The following KIF5B variants were observed in gnomAD, a reference collection of about 807,000 sequenced individuals.
KIF5B encodes the protein kinesin family member 5B, also known as kinesin-1 heavy chain.
In KIF5B, 49 loss-of-function variants were observed where a neutral mutation model predicts 132.8. That is an observed-to-expected ratio of 0.37 (90% CI 0.29 to 0.47). The LOEUF (loss-of-function observed/expected upper bound fraction) is 0.47. Ranked by LOEUF, KIF5B falls within the 20% of genes least tolerant of loss-of-function variation. The pLI, the probability that KIF5B is intolerant of heterozygous loss-of-function variation, is 1.00. For synonymous variants in KIF5B, 355 were observed against 369.4 expected, an observed-to-expected ratio of 0.96 and a Z score of 0.45; for missense variants, 780 against 1,144.0, an observed-to-expected ratio of 0.68 and a Z score of 4.59.
chr10:32,048,625 C>A, intron 1 of KIF5B, 74 bp from the exon 2 acceptor site: 1 of 1,021,518 alleles, frequency 9.8e-7, no homozygotes, highest in Admixed American at 2.0e-5. Context: ...CAGATGCCAT[C>A]ATATAATATA....
rs556018088 is a variant in KIF5B at position 32,022,863 on chromosome 10, C to T, written c.1899G>A (p.Gln633=). ...EENEKELAAC[Q]LRISQHEAKI... is the part of the protein sequence containing the mutation. ...TATAACATACTTGAGAGATACGAAG[C>T]TGACATGCTGCTAACTCCTTTTCAT... The change falls in exon 16 of 26, where the codon CAG becomes CAA. Residue 633 remains glutamine, a synonymous_variant. Coordinates refer to ENST00000302418, the MANE Select transcript of KIF5B (RefSeq NM_004521.3). 2.1e-4 allele frequency: 343 copies of T among 1,609,286 alleles called. 4 individuals are homozygous for T. In the South Asian group the frequency reaches 3.6e-3, roughly 17 times the overall value.
intron 1 of KIF5B, 106 bp downstream of exon 1, chr10:32,055,742 G>C: frequency 7.0e-7 from 1 of 1,429,836 alleles, no homozygotes; most frequent in Non-Finnish European, 9.4e-7. Context: ...GGAGGGCTGG[G>C]GACACCGCCG....
intron 1 of KIF5B, among the ~76,000 whole-genome samples, chr10:32,054,882 TTA>T (rs1491505236): frequency 6.6e-6 from 1 of 152,198 alleles, no homozygotes; most frequent in African/African-American, 2.4e-5. Flanking sequence ...TCAACTCTAG[TTA>T]TGTTTTTCAT....
Position 32,039,366 on chromosome 10 carries a change from A to G in KIF5B, c.354T>C (p.Tyr118=), listed in dbSNP as rs763071252. 18 of 1,465,768 alleles carry G rather than the reference A, an allele frequency of 1.2e-5. No individual in the cohort carries two copies. In the East Asian group the frequency reaches 3.1e-4, roughly 25 times the overall value. The allele number at this position is 1,465,768 out of a possible 1,614,324, so 90.8% of individuals were successfully genotyped here. The change falls in exon 4 of 26, where the codon TAT becomes TAC. Residue 118 remains tyrosine (Y), a synonymous_variant. Transcript: ENST00000302418. ...IPRIVQDIFN[Y]IYSMDENLEF... is the part of the protein sequence containing the mutation. ...CCAAATTTTCATCCATGGAGTAAAT[A>G]TAATTAAAAATATCTTGCACTATTC... is the stretch of plus-strand genomic sequence containing the variant.
chr10:32,015,624 A>C lies in KIF5B; in HGVS notation c.2797T>G (p.Ser933Ala), dbSNP rs1208557122. The change falls in exon 25 of 26, where the codon TCT becomes GCT. Residue 933 changes from serine (S) to alanine (A), a missense_variant. Physicochemically the swap from Ser to Ala is moderately conservative, Grantham distance 99 (BLOSUM62 1). This residue lies in a region of KIF5B where 90 missense variants were observed against 101.8 expected (regional missense o/e 0.88). Transcript: ENST00000302418. ...CGAATTGCACTTGGGTGAGTTGGAGAAGCTGCTGGATGTTGCCCGGGACGA... is the reference window on the plus strand; with the variant it reads ...CGAATTGCACTTGGGTGAGTTGGAGCAGCTGCTGGATGTTGCCCGGGACGA... ...PIRPGQHPAASPTHPSAIRGG... is the reference protein window; with the variant it reads ...PIRPGQHPAAAPTHPSAIRGG... 1 of 1,613,664 alleles carries C rather than the reference A, an allele frequency of 6.2e-7. No individual in the cohort carries two copies. The highest frequency in any genetic ancestry group is 2.2e-5 in the East Asian group (1 of 44,870).
chr10:32,056,250 C>CG lies in KIF5B; in HGVS notation c.-278dup. ...GGGGAGAGCGTCCGCGGCTCCTCAG[C>CG]GTCCCCCTTTACGGTCTGGGCGGAC... On this transcript the variant is annotated 5_prime_UTR_variant, in exon 1 of 26. Transcript: ENST00000302418. 2.4e-6 allele frequency: 1 copy of CG among 422,716 alleles called. No homozygotes were observed. The highest frequency in any genetic ancestry group is 4.2e-6 in the Non-Finnish European group (1 of 238,236). The allele number at this position is 422,716 out of a possible 1,614,324, so 26.2% of individuals were successfully genotyped here.
chr10:32,015,620 G>A lies in KIF5B; in HGVS notation c.2801C>T (p.Pro934Leu). Residue 934 changes from proline (P) to leucine (L), a missense_variant, in exon 25 of 26, where the codon CCA becomes CTA. Around this residue, in one of 9 missense-constraint regions of KIF5B, gnomAD observed 90 missense variants for 101.8 expected, o/e 0.88. Coordinates refer to ENST00000302418, the MANE Select transcript of KIF5B (RefSeq NM_004521.3). The part of the protein sequence containing the change: ...IRPGQHPAAS[P>L]THPSAIRGGG... ...TCCACGAATTGCACTTGGGTGAGTTGGAGAAGCTGCTGGATGTTGCCCGGG... is the reference window on the plus strand; with the variant it reads ...TCCACGAATTGCACTTGGGTGAGTTAGAGAAGCTGCTGGATGTTGCCCGGG... 6.2e-7 allele frequency: 1 copy of A among 1,613,632 alleles called. No homozygotes were observed. The highest frequency in any genetic ancestry group is 8.5e-7 in the Non-Finnish European group (1 of 1,179,666).
intron 15 of KIF5B, among the ~76,000 whole-genome samples, chr10:32,026,393 G>A (rs553010269): frequency 2.5e-5 from 3 of 119,146 alleles, no homozygotes; most frequent in South Asian, 5.5e-4. Context: ...AGCCAAGATC[G>A]CACTACTGCA....
chr10:32,014,958 C>T (rs1013543063), intron 25 of KIF5B, among the ~76,000 whole-genome samples: 1 of 151,990 alleles, frequency 6.6e-6, no homozygotes, highest in African/African-American at 2.4e-5. Context: ...CCCCTCGTCT[C>T]TACTAAAAAC....
At chr10:32,023,831 T>C (rs2132588746) in intron 15 of KIF5B, among the ~76,000 whole-genome samples, 1 of 152,084 alleles carries the variant, frequency 6.6e-6, no homozygotes, top group East Asian at 1.9e-4. Context: ...GTACACACCT[T>C]ACCCCTTTCA....
intron 20 of KIF5B, among the ~76,000 whole-genome samples, chr10:32,018,985 T>A (rs1841220987): frequency 6.8e-6 from 1 of 147,676 alleles, no homozygotes; most frequent in South Asian, 2.2e-4. Context: ...TGTGAGCCAC[T>A]GCAGCTTTGC....
At chr10:32,049,415 A>G (rs1841658735) in intron 1 of KIF5B, among the ~76,000 whole-genome samples, 1 of 152,160 alleles carries the variant, frequency 6.6e-6, no homozygotes, top group Non-Finnish European at 1.5e-5. Context: ...CGCAGCAACT[A>G]ACTCATCATC....
chr10:32,020,013 G>T, intron 19 of KIF5B, 54 bp from the exon 20 acceptor site: 2 of 1,178,110 alleles, frequency 1.7e-6, no homozygotes, highest in Non-Finnish European at 2.5e-6. Context: ...TTTTCTCAAT[G>T]TCATCATTAA....
chr10:32,032,709 C>T lies in KIF5B; in HGVS notation c.1371G>A (p.Glu457=), dbSNP rs1841416769. Reference sequence around the variant, plus strand: ...ATGTAAAAGGTATTCAACTCACCTCCTCCTGATCCAACATTTGCGTCTTCA... The same window carrying T: ...ATGTAAAAGGTATTCAACTCACCTCTTCCTGATCCAACATTTGCGTCTTCA... ...EKLKTQMLDQ[E]ELLASTRRDQ... Residue 457 remains glutamate (E), a synonymous_variant, in exon 13 of 26, where the codon GAG becomes GAA. Coordinates refer to ENST00000302418, the MANE Select transcript of KIF5B (RefSeq NM_004521.3). 1 of 1,612,542 alleles carries T rather than the reference C, an allele frequency of 6.2e-7. No individual in the cohort carries two copies. The highest frequency in any genetic ancestry group is 1.7e-5 in the Admixed American group (1 of 60,008).
intron 23 of KIF5B, among the ~76,000 whole-genome samples, chr10:32,017,615 A>G (rs1333685318): frequency 6.6e-6 from 1 of 152,202 alleles, no homozygotes; most frequent in Non-Finnish European, 1.5e-5. Context: ...GGCAAAGACA[A>G]TACATTACAA....
chr10:32,043,436 A>T (rs1234797177), intron 2 of KIF5B, among the ~76,000 whole-genome samples: 1 of 152,172 alleles, frequency 6.6e-6, no homozygotes, highest in Non-Finnish European at 1.5e-5. Context: ...GGTTCCAGAG[A>T]CCTGCTCTTA....
Position 32,017,208 on chromosome 10 carries a change from A to G in KIF5B, c.2696T>C (p.Val899Ala). The G allele has an allele frequency of 6.2e-7, 1 of 1,614,210 alleles. No individual in the cohort carries two copies. Among genetic ancestry groups the G allele is most frequent in the Non-Finnish European group, 8.5e-7 (1 of 1,180,036 alleles). The change falls in exon 24 of 26, where the codon GTA (valine) becomes GCA (alanine). Residue 899 changes from valine to alanine, a missense_variant. Coordinates refer to ENST00000302418, the MANE Select transcript of KIF5B (RefSeq NM_004521.3). ...SRDRKRYQQE[V>A]DRIKEAVRSK... Reference sequence around the variant, plus strand: ...CCTGACTGCTTCCTTTATGCGATCTACTTCTTGCTGATAGCGTTTGCGATC... The same window carrying G: ...CCTGACTGCTTCCTTTATGCGATCTGCTTCTTGCTGATAGCGTTTGCGATC...
rs375094831 is a variant in KIF5B at position 32,015,637 on chromosome 10, T to C, written c.2784A>G (p.Gln928=). The C allele has an allele frequency of 1.8e-4, 288 of 1,613,310 alleles. No individual in the cohort carries two copies. The highest frequency in any genetic ancestry group is 2.3e-4 in the Non-Finnish European group (274 of 1,179,628). Residue 928 remains glutamine (Q), a synonymous_variant, in exon 25 of 26, where the codon CAA becomes CAG. Coordinates refer to ENST00000302418, the MANE Select transcript of KIF5B (RefSeq NM_004521.3). ...GGTGAGTTGGAGAAGCTGCTGGATG[T>C]TGCCCGGGACGAATAGGTTTAGCTA... ...AQIAKPIRPG[Q]HPAASPTHPS...
chr10:32,054,433 C>T (rs1256430397), intron 1 of KIF5B, among the ~76,000 whole-genome samples: 1 of 152,190 alleles, frequency 6.6e-6, no homozygotes, highest in Admixed American at 6.5e-5. Flanking sequence ...GGCCTAATGA[C>T]TTGTTTGCCA....
Sources: allele counts gnomAD v4.1 joint callset (sites outside exome capture counted in the v4.1 genomes callset), GRCh38; gene constraint gnomAD v4.1.1; regional missense constraint gnomAD v4.1.1; transcripts MANE v1.5; gene names NCBI Gene and HGNC (gene_info 2026-07-23, HGNC 2026-07-21).